Variants in HABP2 observed in about 807,000 individuals in gnomAD.
HABP2 encodes the protein factor VII-activating protease.
In HABP2, 65 loss-of-function variants were observed where a neutral mutation model predicts 66.5. The ratio of observed to expected loss-of-function variants is 0.98; its 90% confidence interval spans 0.80 to 1.20. HABP2 has a LOEUF of 1.20. Ranked by LOEUF, HABP2 falls within the 50% of genes most tolerant of loss-of-function variation. The pLI is 0.00. For synonymous variants in HABP2, 263 were observed against 253.9 expected (o/e 1.04, Z -0.34); for missense variants, 786 against 691.0 (o/e 1.14, Z -1.54).
intron 4 of HABP2, 31 bp downstream of exon 4, chr10:113,576,035 C>T: frequency 1.7e-6 from 2 of 1,167,570 alleles, no homozygotes; most frequent in Non-Finnish European, 2.6e-6. Context: ...CCACTCTTCC[C>T]TCTGAGTTAA....
intron 8 of HABP2, among the ~76,000 whole-genome samples, 183 bp from the exon 9 acceptor site, chr10:113,581,693 G>A (rs1029386104): frequency 3.9e-5 from 6 of 152,196 alleles, no homozygotes; most frequent in Admixed American, 1.3e-4. Flanking sequence ...TTTATGTTAC[G>A]CAATGTATTC....
intron 3 of HABP2, among the ~76,000 whole-genome samples, chr10:113,575,089 A>C (rs2133769157): frequency 6.6e-6 from 1 of 152,356 alleles, no homozygotes; most frequent in South Asian, 2.1e-4. Flanking sequence ...GAAGGAATGG[A>C]AAGCACTTAG....
Position 113,580,657 on chromosome 10 carries a change from G to T in HABP2, c.803G>T (p.Trp268Leu). The change falls in exon 8 of 13, where the codon TGG becomes TTG. Residue 268 changes from tryptophan to leucine, a missense_variant. Coordinates refer to ENST00000351270, the MANE Select transcript of HABP2 (RefSeq NM_004132.5). The stretch of plus-strand genomic sequence containing the variant: ...AAAGTTACCAATGACAAGGTGAAAT[G>T]GGAATACTGTGATGTCTCAGCCTGC... The part of the protein sequence containing the change: ...FIKVTNDKVK[W>L]EYCDVSACSA... The T allele has an allele frequency of 6.3e-7, 1 of 1,599,006 alleles. No individual in the cohort carries two copies.
intron 2 of HABP2, among the ~76,000 whole-genome samples, chr10:113,572,907 A>G (rs1452717579): frequency 6.6e-6 from 1 of 152,248 alleles, no homozygotes; most frequent in Non-Finnish European, 1.5e-5. Context: ...AATGGGAAAT[A>G]TAAAACAGCC....
intron 1 of HABP2, among the ~76,000 whole-genome samples, chr10:113,566,668 G>A (rs992728890): frequency 5.3e-5 from 8 of 152,204 alleles, no homozygotes; most frequent in African/African-American, 1.7e-4. Context: ...GAGGGAATAA[G>A]CGGGTGCAGT....
At chr10:113,554,944 G>C (rs1483439888) in intron 1 of HABP2, among the ~76,000 whole-genome samples, 1 of 152,192 alleles carries the variant, frequency 6.6e-6, no homozygotes, top group Non-Finnish European at 1.5e-5. Context: ...ATGTGTGCCA[G>C]ACAGGTGGTC....
intron 2 of HABP2, among the ~76,000 whole-genome samples, chr10:113,568,745 G>T (rs922860393): frequency 6.6e-6 from 1 of 152,166 alleles, no homozygotes; most frequent in African/African-American, 2.4e-5. Flanking sequence ...AGCCCAAATT[G>T]CTCAGGCACC....
At chr10:113,576,639 C>T (rs1304525245) in intron 4 of HABP2, among the ~76,000 whole-genome samples, 1 of 152,314 alleles carries the variant, frequency 6.6e-6, no homozygotes, top group South Asian at 2.1e-4. Context: ...CATCTTACTT[C>T]GTGGAGGGAA....
At chr10:113,569,432 T>C (rs1241187256) in intron 2 of HABP2, among the ~76,000 whole-genome samples, 1 of 152,234 alleles carries the variant, frequency 6.6e-6, no homozygotes. Context: ...GCTTTGATGG[T>C]ATTTGTCAGC....
chr10:113,575,594 C>T (rs1014442069), intron 3 of HABP2, among the ~76,000 whole-genome samples: 2 of 152,114 alleles, frequency 1.3e-5, no homozygotes, highest in Admixed American at 1.3e-4. Flanking sequence ...GAGAAAAACA[C>T]TGATGAGGGA....
At chr10:113,569,652 A>C (rs1211070145) in intron 2 of HABP2, 1 of 152,376 alleles carries the variant, frequency 6.6e-6, no homozygotes, top group Non-Finnish European at 1.5e-5. Flanking sequence ...AGCAGGTGCC[A>C]CGACAGCCAG....
chr10:113,553,336 G>T, intron 1 of HABP2, 146 bp downstream of exon 1: 2 of 639,668 alleles, frequency 3.1e-6, no homozygotes, highest in Non-Finnish European at 2.8e-6. Flanking sequence ...ACCAATGCAG[G>T]CCTGTGGCTT....
chr10:113,589,074 C>A lies in HABP2; in HGVS notation c.*705C>A, dbSNP rs562795399. The A allele has an allele frequency of 1.2e-6, 2 of 1,613,444 alleles. No homozygotes were observed. Among genetic ancestry groups the A allele is most frequent in the Admixed American group, 1.7e-5 (1 of 59,962 alleles). On this transcript the variant is annotated 3_prime_UTR_variant, in exon 13 of 13. Transcript: ENST00000351270. Reference sequence around the variant, plus strand: ...GATCTCCAGCCTCCACTGCTTCTGCCCCCCGCTGCTGAAATCAAACATACC... The same window carrying A: ...GATCTCCAGCCTCCACTGCTTCTGCACCCCGCTGCTGAAATCAAACATACC...
At position 113,585,453 on chromosome 10, in the gene HABP2, C is replaced by CCATT. The variant is rs778775936; in HGVS notation, c.1373-333_1373-330dup. Among the ~76,000 whole-genome samples the CCATT allele has an allele frequency of 7.2e-5, 11 of 152,330 alleles. No individual in the cohort carries two copies. The East Asian group carries it at 1.9e-3, about 27-fold the overall frequency. On this transcript the variant is annotated intron_variant, in intron 11 of 12. Coordinates refer to ENST00000351270, the MANE Select transcript of HABP2 (RefSeq NM_004132.5). ...CAGGGCACTTCATCCATCCATCCAT[C>CCATT]CATTCATTCACTAAGAATTGTGCCA...
intron 2 of HABP2, among the ~76,000 whole-genome samples, chr10:113,568,385 G>T: frequency 6.6e-6 from 1 of 152,220 alleles, no homozygotes; most frequent in Non-Finnish European, 1.5e-5. Context: ...GATTTATTTG[G>T]CACAAAGATG....
chr10:113,560,082 C>T (rs1160019681), intron 1 of HABP2, among the ~76,000 whole-genome samples: 2 of 152,220 alleles, frequency 1.3e-5, no homozygotes, highest in African/African-American at 4.8e-5. Flanking sequence ...AACAGCTTCA[C>T]CCAGGTGTCC....
intron 2 of HABP2, among the ~76,000 whole-genome samples, chr10:113,569,189 T>TA (rs1300832115): frequency 1.3e-5 from 2 of 152,104 alleles, no homozygotes; most frequent in Non-Finnish European, 2.9e-5. Flanking sequence ...AAAAACCTCT[T>TA]ATAGGGAGTG....
chr10:113,577,569 G>T (rs1162516212), intron 5 of HABP2, among the ~76,000 whole-genome samples: 1 of 152,214 alleles, frequency 6.6e-6, no homozygotes. Context: ...AGTCCCTGCT[G>T]TGAGGCAGGC....
At chr10:113,575,053 A>C (rs1206471456) in intron 3 of HABP2, among the ~76,000 whole-genome samples, 1 of 151,850 alleles carries the variant, frequency 6.6e-6, no homozygotes, top group Non-Finnish European at 1.5e-5. Flanking sequence ...GCTGGGTCCA[A>C]GCAATGCCAT....
Sources: allele counts gnomAD v4.1 joint callset (sites outside exome capture counted in the v4.1 genomes callset), GRCh38; gene constraint gnomAD v4.1.1; transcripts MANE v1.5; gene names NCBI Gene and HGNC (gene_info 2026-07-23, HGNC 2026-07-21).